MSI2: variants seen among roughly 807,000 people sequenced by gnomAD.
The protein encoded by MSI2 is musashi RNA binding protein 2, also known as RNA-binding protein Musashi homolog 2.
Under a neutral mutation model 45.6 loss-of-function variants are expected in MSI2, and 17 were observed. That is an observed-to-expected ratio of 0.37 (90% confidence interval 0.26 to 0.56). The LOEUF (loss-of-function observed/expected upper bound fraction) is 0.56, where lower values mean the gene tolerates loss of function less well. Ranked by LOEUF, MSI2 falls within the 20% of genes least tolerant of loss-of-function variation. The pLI, the probability that MSI2 is intolerant of heterozygous loss-of-function variation, is 0.77. For synonymous variants in MSI2, 156 were observed against 158.2 expected (o/e 0.99, Z 0.11); for missense variants, 293 against 444.2 (o/e 0.66, Z 3.06).
At chr17:57,443,539 G>A (rs890076435) in intron 6 of MSI2, among the ~76,000 whole-genome samples, 2 of 152,132 alleles carry the variant, frequency 1.3e-5, no homozygotes, top group African/African-American at 4.8e-5. Flanking sequence ...CATAGAACAC[G>A]GTTGGAAGAA....
chr17:57,418,042 G>A (rs964537378), intron 6 of MSI2, among the ~76,000 whole-genome samples: 1 of 152,106 alleles, frequency 6.6e-6, no homozygotes, highest in Non-Finnish European at 1.5e-5. Context: ...GTCTGTAAAG[G>A]GTCAGATACC....
chr17:57,417,364 C>T (rs756828307), intron 6 of MSI2, among the ~76,000 whole-genome samples: 1 of 152,136 alleles, frequency 6.6e-6, no homozygotes, highest in African/African-American at 2.4e-5. Flanking sequence ...GGAGAGGGCT[C>T]ACTTCCATGG....
At chr17:57,382,347 G>A (rs532826547) in intron 5 of MSI2, among the ~76,000 whole-genome samples, 9 of 152,268 alleles carry the variant, frequency 5.9e-5, no homozygotes, top group African/African-American at 1.4e-4. Context: ...AGGTGTGGGC[G>A]GAATTGAAGT....
intron 6 of MSI2, among the ~76,000 whole-genome samples, chr17:57,453,650 C>T (rs1248022629): frequency 2.0e-5 from 3 of 152,202 alleles, no homozygotes; most frequent in Non-Finnish European, 4.4e-5. Context: ...TTTTCTATTA[C>T]TTCATTTAAC....
intron 5 of MSI2, among the ~76,000 whole-genome samples, chr17:57,270,073 A>G (rs1908215823): frequency 6.6e-6 from 1 of 152,118 alleles, no homozygotes; most frequent in South Asian, 2.1e-4. Context: ...ACCATCTGGA[A>G]TGTTAGCCTT....
intron 6 of MSI2, among the ~76,000 whole-genome samples, chr17:57,461,764 C>A (rs137880933): frequency 0.01 from 1,557 of 152,258 alleles, 13 homozygotes; most frequent in Non-Finnish European, 0.015. Flanking sequence ...AAACTCCTGA[C>A]CTCAAGAGAT....
intron 7 of MSI2, among the ~76,000 whole-genome samples, chr17:57,563,488 G>A (rs932431095): frequency 6.6e-6 from 1 of 152,142 alleles, no homozygotes; most frequent in African/African-American, 2.4e-5. Context: ...CAAGATCCCA[G>A]GCAAGCTAGA....
In MSI2 at chr17:57,460,520, G is replaced by A. The variant is rs527662700; in HGVS notation, c.405+59049G>A. On this transcript the variant is annotated intron_variant, in intron 6 of 13. Transcript: ENST00000284073. ...AAGAAAAGAAAAAGATTTGATGTAC[G>A]CCACCATGAAAGCAGGTAGAAGGCA... is the stretch of plus-strand genomic sequence containing the variant. 5.9e-5 allele frequency among the ~76,000 whole-genome samples: 9 copies of A among 152,228 alleles called. No homozygotes were observed. In the East Asian group the frequency reaches 1.4e-3, roughly 23 times the overall value.
chr17:57,308,222 G>A (rs1199016152), intron 5 of MSI2, among the ~76,000 whole-genome samples: 1 of 152,160 alleles, frequency 6.6e-6, no homozygotes, highest in African/African-American at 2.4e-5. Flanking sequence ...TAAGTCATGC[G>A]AGGTAAATCA....
intron 9 of MSI2, among the ~76,000 whole-genome samples, chr17:57,619,782 T>A (rs959977717): frequency 6.6e-6 from 1 of 152,208 alleles, no homozygotes. Flanking sequence ...GATGGATATG[T>A]GATGCCTGCC....
At chr17:57,492,496 G>A (rs891774321) in intron 6 of MSI2, among the ~76,000 whole-genome samples, 5 of 152,214 alleles carry the variant, frequency 3.3e-5, no homozygotes, top group African/African-American at 1.2e-4. Context: ...GTTTTTGATA[G>A]GTATTGAAGA....
intron 6 of MSI2, among the ~76,000 whole-genome samples, chr17:57,490,127 A>G (rs1774100097): frequency 6.6e-6 from 1 of 152,176 alleles, no homozygotes; most frequent in Non-Finnish European, 1.5e-5. Context: ...GAATTTCCTC[A>G]TCTATAAAAT....
intron 5 of MSI2, among the ~76,000 whole-genome samples, chr17:57,288,780 T>G (rs752321269): frequency 1.3e-5 from 2 of 152,212 alleles, no homozygotes; most frequent in Non-Finnish European, 2.9e-5. Flanking sequence ...GGTCCACAAC[T>G]TTGGCACTGT....
At chr17:57,633,740 C>A (rs1173674213) in intron 10 of MSI2, among the ~76,000 whole-genome samples, 2 of 152,162 alleles carry the variant, frequency 1.3e-5, no homozygotes, top group African/African-American at 4.8e-5. Flanking sequence ...GATGAAAGTG[C>A]CTAGTTAGTT....
intron 7 of MSI2, among the ~76,000 whole-genome samples, chr17:57,592,859 G>T (rs1904959705): frequency 6.6e-6 from 1 of 152,296 alleles, no homozygotes; most frequent in African/African-American, 2.4e-5. Flanking sequence ...GGGCATCAGA[G>T]AGTCCTGAAT....
At chr17:57,502,602 G>GATAGATATATATATATATATATATATAT (rs1190802566) in intron 6 of MSI2, among the ~76,000 whole-genome samples, 1 of 54,418 alleles carries the variant, frequency 1.8e-5, no homozygotes, top group African/African-American at 5.8e-5. Context: ...ATGACTCTGA[G>GATAGATATATATATATATATATATATAT]ATATATATAT....
intron 6 of MSI2, among the ~76,000 whole-genome samples, chr17:57,516,796 C>G (rs142590460): frequency 3.3e-5 from 5 of 152,158 alleles, no homozygotes; most frequent in African/African-American, 1.2e-4. Context: ...CAAGATCATG[C>G]GTAAGTGGAA....
At chr17:57,659,756 C>T (rs1013363280) in intron 11 of MSI2, among the ~76,000 whole-genome samples, 25 of 152,078 alleles carry the variant, frequency 1.6e-4, no homozygotes, top group African/African-American at 5.8e-4. Flanking sequence ...AAAATAAAAG[C>T]CCATGTAGGG....
chr17:57,507,223 C>CTG (rs1436640773), intron 6 of MSI2, among the ~76,000 whole-genome samples: 210 of 109,846 alleles, frequency 1.9e-3, no homozygotes, highest in South Asian at 0.018. Flanking sequence ...GTCTTTGTCT[C>CTG]TCTGTGTGTG....
Sources: gnomAD v4.1 joint callset for allele counts (sites outside exome capture counted in the v4.1 genomes callset) on GRCh38, gnomAD v4.1.1 for gene constraint, MANE v1.5 for transcripts, NCBI Gene and HGNC (gene_info 2026-07-23, HGNC 2026-07-21) for gene names.